Variants in DCDC1 observed in about 807,000 individuals in gnomAD.
DCDC1 encodes doublecortin domain-containing protein 1.
A neutral mutation model predicts 178.3 loss-of-function variants in DCDC1; 200 were observed. The ratio of observed to expected loss-of-function variants is 1.12; its 90% CI spans 1.00 to 1.26. The LOEUF (loss-of-function observed/expected upper bound fraction) is 1.26, where lower values mean the gene tolerates loss of function less well. Ranked by LOEUF, DCDC1 falls within the 50% of genes most tolerant of loss-of-function variation. The pLI is 0.00. For missense variants in DCDC1, 1,983 were observed against 1,749.2 expected, an observed-to-expected ratio of 1.13 and a Z score of -2.38; for synonymous variants, 690 against 604.8, an observed-to-expected ratio of 1.14 and a Z score of -2.07.
At chr11:31,290,016 C>T (rs781541500) in intron 7 of DCDC1, among the ~76,000 whole-genome samples, 13 of 151,942 alleles carry the variant, frequency 8.6e-5, no homozygotes, top group Non-Finnish European at 1.2e-4. Flanking sequence ...TTCAAATTCC[C>T]ATTAGCTCCT....
rs923606057 is a variant in DCDC1 at position 30,994,560 on chromosome 11, C to A, written c.2592-41992G>T. Among the ~76,000 whole-genome samples, 3 of 147,440 alleles carry A rather than the reference C, an allele frequency of 2.0e-5. No individual in the cohort carries two copies. The East Asian group carries it at 5.9e-4, about 29-fold the overall frequency. On this transcript the variant is annotated intron_variant, in intron 20 of 38. Coordinates refer to ENST00000684477, the MANE Select transcript of DCDC1 (RefSeq NM_001387274.1). ...ATATATATATGTATATGTATATATG[C>A]CCTTTGTAAGGGTAAAAACGTCTAG...
chr11:31,360,446 C>T (rs938152884), intron 1 of DCDC1, among the ~76,000 whole-genome samples: 3 of 152,006 alleles, frequency 2.0e-5, no homozygotes, highest in Non-Finnish European at 4.4e-5. Context: ...AGTATCAAAC[C>T]CTATATATAC....
At chr11:31,084,139 T>C (rs1957346470) in intron 17 of DCDC1, among the ~76,000 whole-genome samples, 1 of 152,150 alleles carries the variant, frequency 6.6e-6, no homozygotes, top group African/African-American at 2.4e-5. Context: ...AGAATAAGAT[T>C]ATTAACACCA....
intron 9 of DCDC1, among the ~76,000 whole-genome samples, chr11:31,235,668 C>T (rs995227583): frequency 2.6e-5 from 4 of 151,756 alleles, no homozygotes; most frequent in African/African-American, 7.3e-5. Flanking sequence ...AAGATGGAGA[C>T]ATATTCCTAG....
At chr11:31,235,753 A>T (rs1976376112) in intron 9 of DCDC1, among the ~76,000 whole-genome samples, 1 of 151,994 alleles carries the variant, frequency 6.6e-6, no homozygotes, top group Admixed American at 6.6e-5. Context: ...TCTTTCCTTT[A>T]TGAGATGCAG....
At chr11:31,349,472 C>T (rs1265007159) in intron 1 of DCDC1, among the ~76,000 whole-genome samples, 1 of 152,072 alleles carries the variant, frequency 6.6e-6, no homozygotes, top group Non-Finnish European at 1.5e-5. Context: ...GTTCCTCCAA[C>T]TGGTTGAATT....
At chr11:30,877,367 G>A (rs1590193726) in intron 38 of DCDC1, among the ~76,000 whole-genome samples, 1 of 152,160 alleles carries the variant, frequency 6.6e-6, no homozygotes, top group East Asian at 1.9e-4. Context: ...GGGAAGAAGA[G>A]CATTTCTCTG....
In DCDC1 at chr11:30,864,048, A is replaced by T. The variant is rs962900327; in HGVS notation, c.*1325T>A. On this transcript the variant is annotated 3_prime_UTR_variant, in exon 39 of 39. Transcript: ENST00000684477. ...AGGCTGAGACAGGAGAATTGCTTGA[A>T]CCTGGGAAGGGGAGCTTGTAGTGAG... is the stretch of plus-strand genomic sequence containing the variant. The T allele has an allele frequency of 1.3e-5, 2 of 152,036 alleles. No individual in the cohort carries two copies. The highest frequency in any genetic ancestry group is 6.6e-5 in the Admixed American group (1 of 15,250). The allele number at this position is 152,036 out of a possible 1,614,324, so 9.4% of individuals were successfully genotyped here. A position where few individuals can be genotyped will look rare whatever the true frequency, so the allele number is the denominator to read the frequency against.
chr11:31,270,467 T>C (rs995780287), intron 7 of DCDC1, among the ~76,000 whole-genome samples: 7 of 152,214 alleles, frequency 4.6e-5, no homozygotes, highest in African/African-American at 7.2e-5. Flanking sequence ...TGAAGCTCTA[T>C]ATTTTTCTGT....
chr11:31,162,960 C>T (rs1966444877), intron 9 of DCDC1, among the ~76,000 whole-genome samples: 1 of 152,104 alleles, frequency 6.6e-6, no homozygotes, highest in Admixed American at 6.6e-5. Context: ...TTCAAACAAG[C>T]TCTATACCAC....
intron 6 of DCDC1, among the ~76,000 whole-genome samples, chr11:31,292,710 T>C (rs1281261881): frequency 1.3e-5 from 2 of 152,090 alleles, no homozygotes; most frequent in Admixed American, 6.6e-5. Context: ...CACAACAGTG[T>C]GAATGTACTA....
At chr11:31,212,488 GAA>G (rs1215318466) in intron 9 of DCDC1, among the ~76,000 whole-genome samples, 3 of 151,990 alleles carry the variant, frequency 2.0e-5, no homozygotes, top group Non-Finnish European at 4.4e-5. Context: ...AATTCAATAA[GAA>G]AGATGAACAT....
intron 20 of DCDC1, among the ~76,000 whole-genome samples, chr11:31,016,701 T>C (rs1952503464): frequency 6.6e-6 from 1 of 152,182 alleles, no homozygotes; most frequent in Non-Finnish European, 1.5e-5. Flanking sequence ...GCATGTGTCA[T>C]GGGTGCCAAA....
chr11:31,074,189 C>T (rs2135539755), intron 18 of DCDC1, among the ~76,000 whole-genome samples: 2 of 152,230 alleles, frequency 1.3e-5, no homozygotes, highest in Middle Eastern at 6.8e-3. Context: ...TCAGAGAGGG[C>T]ACAGCCATGT....
At chr11:30,974,960 G>A (rs1335471949) in intron 20 of DCDC1, among the ~76,000 whole-genome samples, 1 of 152,036 alleles carries the variant, frequency 6.6e-6, no homozygotes, top group Non-Finnish European at 1.5e-5. Context: ...GAATTTAGAT[G>A]TAAAAATTTT....
At chr11:30,949,547 C>T (rs1012621409) in intron 21 of DCDC1, among the ~76,000 whole-genome samples, 2 of 152,128 alleles carry the variant, frequency 1.3e-5, no homozygotes, top group South Asian at 2.1e-4. Flanking sequence ...TATAAAGACA[C>T]ATGCACATGT....
rs1030796874 is a variant in DCDC1 at position 31,273,037 on chromosome 11, G to A, written c.961-7437C>T. On this transcript the variant is annotated intron_variant, in intron 7 of 38. Coordinates refer to ENST00000684477, the MANE Select transcript of DCDC1 (RefSeq NM_001387274.1). ...TGGGATGCAGGGCACCAAGTCCCTA[G>A]ACTGCAATGTAGTATGGGACCCTGG... Among the ~76,000 whole-genome samples, 8 of 152,194 alleles carry A rather than the reference G, an allele frequency of 5.3e-5. No homozygotes were observed. In the South Asian group the frequency reaches 8.3e-4, roughly 16 times the overall value.
intron 9 of DCDC1, among the ~76,000 whole-genome samples, chr11:31,222,464 T>C (rs1444960602): frequency 6.6e-6 from 1 of 152,224 alleles, no homozygotes; most frequent in Non-Finnish European, 1.5e-5. Flanking sequence ...TCTTCCAGTC[T>C]GTACCTATCA....
chr11:30,916,402 A>C (rs995830887), intron 26 of DCDC1, among the ~76,000 whole-genome samples: 3 of 152,234 alleles, frequency 2.0e-5, no homozygotes, highest in African/African-American at 7.2e-5. Context: ...ATGTCAAGTA[A>C]ATGTCTAAAG....
Sources: gnomAD v4.1 joint callset for allele counts (sites outside exome capture counted in the v4.1 genomes callset) on GRCh38, gnomAD v4.1.1 for gene constraint, MANE v1.5 for transcripts, NCBI Gene and HGNC (gene_info 2026-07-23, HGNC 2026-07-21) for gene names.